Variants in TRPM3 observed in about 807,000 individuals in gnomAD.
The protein encoded by TRPM3 is long transient receptor potential channel 3.
TRPM3 carries 77 observed loss-of-function variants against 181.2 expected under a neutral mutation model. The ratio of observed to expected loss-of-function variants is 0.42; its 90% CI spans 0.35 to 0.51. The LOEUF (loss-of-function observed/expected upper bound fraction) is 0.51, where lower values mean the gene tolerates loss of function less well. Among genes scored for constraint, TRPM3 ranks in the 20% least tolerant of loss-of-function variants. The pLI is 0.01. For synonymous variants in TRPM3, 745 were observed against 796.4 expected (o/e 0.94, Z 1.09); for missense variants, 1,759 against 2,196.7 (o/e 0.80, Z 3.98).
intron 1 of TRPM3, among the ~76,000 whole-genome samples, chr9:70,980,067 G>GCACACACACACACGCACACACACACACA (rs1554789046): frequency 4.4e-5 from 6 of 137,888 alleles, no homozygotes; most frequent in African/African-American, 1.7e-4. Flanking sequence ...GCATGTGCGT[G>GCACACACACACACGCACACACACACACA]CACACACACA....
chr9:70,679,338 A>G (rs2064842876), intron 9 of TRPM3, among the ~76,000 whole-genome samples: 1 of 152,236 alleles, frequency 6.6e-6, no homozygotes, highest in Admixed American at 6.5e-5. Flanking sequence ...AAAATGTTGG[A>G]AAACAACTAT....
intron 25 of TRPM3, among the ~76,000 whole-genome samples, chr9:70,544,788 G>A (rs2044425674): frequency 1.3e-5 from 2 of 152,010 alleles, no homozygotes; most frequent in Non-Finnish European, 2.9e-5. Flanking sequence ...TGAATACTAA[G>A]TCTTGATTCT....
chr9:70,875,566 A>T (rs901113900), intron 1 of TRPM3, among the ~76,000 whole-genome samples: 2 of 151,934 alleles, frequency 1.3e-5, no homozygotes, highest in Non-Finnish European at 2.9e-5. Flanking sequence ...ATCTATTTCA[A>T]TGACACTTCA....
intron 1 of TRPM3, among the ~76,000 whole-genome samples, chr9:71,351,722 T>G (rs2091636377): frequency 6.6e-6 from 1 of 152,202 alleles, no homozygotes; most frequent in Non-Finnish European, 1.5e-5. Flanking sequence ...TTGCTATATA[T>G]ATTTGTTGGG....
intron 5 of TRPM3, among the ~76,000 whole-genome samples, chr9:70,839,101 A>G (rs1293421524): frequency 1.3e-5 from 2 of 152,196 alleles, no homozygotes; most frequent in African/African-American, 4.8e-5. Context: ...CTGTAGTCAC[A>G]ATCATGTGAT....
intron 5 of TRPM3, among the ~76,000 whole-genome samples, chr9:70,829,969 TGTTCTTAAA>T (rs2093789816): frequency 6.6e-6 from 1 of 152,230 alleles, no homozygotes. Flanking sequence ...AAGACTCTCC[TGTTCTTAAA>T]GTGCCTCTGC....
At chr9:71,121,712 G>C, upstream of TRPM3, 1 of 920,860 alleles carries the variant, frequency 1.1e-6, no homozygotes. Context: ...TGGTTTGGGG[G>C]GGAGCCAGGA....
chr9:71,034,888 T>C (rs1422095121), intron 1 of TRPM3, among the ~76,000 whole-genome samples: 2 of 152,146 alleles, frequency 1.3e-5, no homozygotes, highest in Admixed American at 6.6e-5. Flanking sequence ...CTAGAAATTT[T>C]ATTTCTGAAA....
intron 1 of TRPM3, among the ~76,000 whole-genome samples, chr9:71,418,692 T>C (rs999063213): frequency 7.3e-5 from 11 of 150,968 alleles, no homozygotes; most frequent in Non-Finnish European, 1.5e-4. Context: ...GATGCCCCTT[T>C]GTCTCAACTT....
chr9:71,299,307 A>G (rs1486005886), intron 1 of TRPM3, among the ~76,000 whole-genome samples: 2 of 152,170 alleles, frequency 1.3e-5, no homozygotes, highest in Admixed American at 1.3e-4. Context: ...TAATCACCCA[A>G]AATTGACCTA....
chr9:71,190,340 G>C (rs574619951), intron 1 of TRPM3, among the ~76,000 whole-genome samples: 1 of 151,950 alleles, frequency 6.6e-6, no homozygotes, highest in East Asian at 1.9e-4. Flanking sequence ...TAAATAATAA[G>C]CATTAAATTG....
Position 71,044,338 on chromosome 9 carries a change from G to T in TRPM3, c.177+76840C>A, listed in dbSNP as rs868065149. On this transcript the variant is annotated intron_variant, in intron 1 of 25. Coordinates refer to ENST00000677713, the MANE Select transcript of TRPM3 (RefSeq NM_001366145.2). ...TGCTCCCATTTCTGTCACCAGACTCGCAGAGAAGAAAACCCAAAGACTCAG... is the reference window on the plus strand; with the variant it reads ...TGCTCCCATTTCTGTCACCAGACTCTCAGAGAAGAAAACCCAAAGACTCAG... Among the ~76,000 whole-genome samples, 7 of 152,156 alleles carry T rather than the reference G, an allele frequency of 4.6e-5. No homozygotes were observed. In the East Asian group the frequency reaches 5.8e-4, roughly 13 times the overall value.
chr9:70,661,573 TAAAC>T (rs1474853533), intron 9 of TRPM3, among the ~76,000 whole-genome samples: 16 of 151,962 alleles, frequency 1.1e-4, no homozygotes, highest in African/African-American at 3.4e-4. Context: ...CTAGATCCAA[TAAAC>T]AAATTCAGTA....
chr9:70,925,292 G>A (rs2096709846), intron 1 of TRPM3, among the ~76,000 whole-genome samples: 1 of 152,226 alleles, frequency 6.6e-6, no homozygotes, highest in East Asian at 1.9e-4. Flanking sequence ...GCTCAGTATT[G>A]ATGGAAACAA....
intron 1 of TRPM3, among the ~76,000 whole-genome samples, chr9:71,375,409 A>G (rs1441018866): frequency 1.3e-5 from 2 of 152,194 alleles, no homozygotes; most frequent in Non-Finnish European, 2.9e-5. Flanking sequence ...AAAACTCAAA[A>G]CTGTAAAAAC....
At chr9:71,435,655 G>A (rs111324447) in intron 1 of TRPM3, among the ~76,000 whole-genome samples, 23 of 152,138 alleles carry the variant, frequency 1.5e-4, no homozygotes, top group African/African-American at 4.3e-4. Context: ...CTAGTGAAGC[G>A]TTAACAAATC....
chr9:71,150,425 C>T (rs1208067925), intron 1 of TRPM3, among the ~76,000 whole-genome samples: 1 of 152,066 alleles, frequency 6.6e-6, no homozygotes, highest in Admixed American at 6.6e-5. Flanking sequence ...AGTGATTCCT[C>T]CTCACACTCT....
chr9:71,080,171 A>AAAGTAAAT (rs1554820949), intron 1 of TRPM3, among the ~76,000 whole-genome samples: 2 of 133,196 alleles, frequency 1.5e-5, no homozygotes, highest in African/African-American at 5.8e-5. Context: ...ACTCCATCTC[A>AAAGTAAAT]AAATAAATAA....
chr9:70,675,487 G>A (rs2063810803), intron 9 of TRPM3, among the ~76,000 whole-genome samples: 4 of 152,134 alleles, frequency 2.6e-5, no homozygotes, highest in African/African-American at 9.7e-5. Context: ...TAATTAAGTA[G>A]TTGATTAATT....
Sources: gnomAD v4.1 joint callset for allele counts (sites outside exome capture counted in the v4.1 genomes callset) on GRCh38, gnomAD v4.1.1 for gene constraint, MANE v1.5 for transcripts, NCBI Gene and HGNC (gene_info 2026-07-23, HGNC 2026-07-21) for gene names.